The following TRDN variants were observed in gnomAD, a reference collection of about 807,000 sequenced individuals.
TRDN encodes the protein triadin.
In TRDN, 161 loss-of-function variants were observed where a neutral mutation model predicts 149.7. The observed-to-expected ratio is 1.08, with a 90% CI of 0.95 to 1.23. The LOEUF (loss-of-function observed/expected upper bound fraction) is 1.23, where lower values mean the gene tolerates loss of function less well. TRDN is among the 50% of genes most tolerant of loss of function. TRDN has a pLI of 0.00. For missense variants in TRDN, 896 were observed against 823.5 expected (o/e 1.09, Z -1.08); for synonymous variants, 294 against 250.5 (o/e 1.17, Z -1.64).
At chr6:123,299,443 G>A (rs1778323817) in intron 24 of TRDN, among the ~76,000 whole-genome samples, 1 of 151,984 alleles carries the variant, frequency 6.6e-6, no homozygotes, top group South Asian at 2.1e-4. Flanking sequence ...GAAGAGATGG[G>A]TAGTTATTAT....
chr6:123,321,222 G>T (rs757469149), intron 23 of TRDN, among the ~76,000 whole-genome samples: 25 of 152,046 alleles, frequency 1.6e-4, no homozygotes, highest in Non-Finnish European at 3.5e-4. Flanking sequence ...ATGCAAACAG[G>T]ATTGCTGTGA....
At chr6:123,418,088 C>T (rs889268066) in intron 12 of TRDN, among the ~76,000 whole-genome samples, 3 of 152,078 alleles carry the variant, frequency 2.0e-5, no homozygotes, top group African/African-American at 4.8e-5. Flanking sequence ...GGGATTCAGA[C>T]ACTAATAAGA....
intron 2 of TRDN, among the ~76,000 whole-genome samples, chr6:123,570,580 C>A (rs1782519597): frequency 6.6e-6 from 1 of 152,088 alleles, no homozygotes. Flanking sequence ...GTAAAACCTA[C>A]AAATTATTCC....
chr6:123,504,882 A>G (rs1257778847), intron 7 of TRDN, among the ~76,000 whole-genome samples: 1 of 152,194 alleles, frequency 6.6e-6, no homozygotes, highest in East Asian at 1.9e-4. Flanking sequence ...CAGCAACTCT[A>G]CTGCAATGTT....
At chr6:123,414,530 A>T (rs1202668494) in intron 12 of TRDN, among the ~76,000 whole-genome samples, 3 of 152,126 alleles carry the variant, frequency 2.0e-5, no homozygotes, top group Non-Finnish European at 4.4e-5. Context: ...TTCAGTCAGG[A>T]AAAATCAAAT....
intron 7 of TRDN, among the ~76,000 whole-genome samples, chr6:123,504,702 G>A (rs1197477641): frequency 6.6e-6 from 1 of 151,980 alleles, no homozygotes; most frequent in Non-Finnish European, 1.5e-5. Flanking sequence ...GATATTATCC[G>A]TATTTTGGAA....
At chr6:123,551,364 C>CACACACACAT (rs1554256533) in intron 2 of TRDN, among the ~76,000 whole-genome samples, 41 of 150,872 alleles carry the variant, frequency 2.7e-4, no homozygotes, top group African/African-American at 1.0e-3. Flanking sequence ...CACACACACA[C>CACACACACAT]ACACACACAC....
intron 38 of TRDN, among the ~76,000 whole-genome samples, chr6:123,238,865 G>A (rs1039882200): frequency 4.0e-5 from 6 of 151,766 alleles, no homozygotes; most frequent in Admixed American, 1.3e-4. Context: ...TTTTTGACAC[G>A]GAGTCTCACT....
intron 10 of TRDN, among the ~76,000 whole-genome samples, chr6:123,463,582 C>G (rs1315108855): frequency 6.6e-6 from 1 of 151,690 alleles, no homozygotes; most frequent in Non-Finnish European, 1.5e-5. Context: ...GCTTTATGTC[C>G]ATCTGGAAAC....
chr6:123,591,308 C>T (rs536243024), intron 1 of TRDN, among the ~76,000 whole-genome samples: 5 of 152,136 alleles, frequency 3.3e-5, no homozygotes, highest in African/African-American at 7.2e-5. Flanking sequence ...TGCAGTGGCA[C>T]GATCTTGGCT....
intron 35 of TRDN, among the ~76,000 whole-genome samples, chr6:123,258,571 A>G (rs575356917): frequency 6.6e-6 from 1 of 152,284 alleles, no homozygotes; most frequent in Admixed American, 6.5e-5. Flanking sequence ...ATCGATATTC[A>G]TCAGGAATAT....
At position 123,529,967 on chromosome 6, in the gene TRDN, A is replaced by G. The variant is rs563369822; in HGVS notation, c.484+539T>C. Among the ~76,000 whole-genome samples, 19 of 152,178 alleles carry G rather than the reference A, an allele frequency of 1.2e-4. No individual in the cohort carries two copies. The South Asian group carries it at 3.7e-3, about 30-fold the overall frequency. ...AATTTGCTTCTGCTGCAAGATTGCC[A>G]TTACTGGATTCAGTTCAGCTGAAAG... On this transcript the variant is annotated intron_variant, in intron 5 of 40. Transcript: ENST00000334268.
chr6:123,483,121 G>C (rs1199347459), intron 9 of TRDN, among the ~76,000 whole-genome samples: 1 of 126,802 alleles, frequency 7.9e-6, no homozygotes, highest in Non-Finnish European at 1.7e-5. Flanking sequence ...ATTATTATTT[G>C]AGACCGAGTC....
chr6:123,556,458 T>A (rs1047447889), intron 2 of TRDN, among the ~76,000 whole-genome samples: 1 of 152,208 alleles, frequency 6.6e-6, no homozygotes, highest in Non-Finnish European at 1.5e-5. Context: ...GTTGGGTTAA[T>A]AAAATTCCCA....
chr6:123,456,857 G>A, intron 10 of TRDN: 1 of 455,952 alleles, frequency 2.2e-6, no homozygotes, highest in Middle Eastern at 3.3e-4. Flanking sequence ...TTCTAGAGAG[G>A]GAAAGGATGA....
chr6:123,331,029 A>G (rs976192309), intron 23 of TRDN, among the ~76,000 whole-genome samples: 1 of 152,108 alleles, frequency 6.6e-6, no homozygotes, highest in African/African-American at 2.4e-5. Context: ...TCACAATAGT[A>G]AGTACATTAC....
intron 14 of TRDN, among the ~76,000 whole-genome samples, chr6:123,386,640 A>T (rs1781914778): frequency 6.6e-6 from 1 of 152,190 alleles, no homozygotes; most frequent in African/African-American, 2.4e-5. Context: ...CTCTCCCAGG[A>T]GGATGTCAAG....
chr6:123,385,800 T>C lies in TRDN; in HGVS notation c.1135+2722A>G, dbSNP rs565879292. On this transcript the variant is annotated intron_variant, in intron 14 of 40. Transcript: ENST00000334268. ...CTAGGAATTCATCACTCAATCTGAG[T>C]TTAGATGAATAAAATCTACCTGGAT... 2.6e-5 allele frequency among the ~76,000 whole-genome samples: 4 copies of C among 152,216 alleles called. No individual in the cohort carries two copies. In the South Asian group the frequency reaches 8.3e-4, roughly 32 times the overall value.
At chr6:123,224,727 C>T (rs1385417306) in intron 38 of TRDN, among the ~76,000 whole-genome samples, 1 of 151,618 alleles carries the variant, frequency 6.6e-6, no homozygotes, top group East Asian at 1.9e-4. Context: ...TGAAAGTGGA[C>T]CTTTATCTTC....
Sources: allele counts gnomAD v4.1 joint callset (sites outside exome capture counted in the v4.1 genomes callset), GRCh38; gene constraint gnomAD v4.1.1; transcripts MANE v1.5; gene names NCBI Gene and HGNC (gene_info 2026-07-23, HGNC 2026-07-21).